BTK: variants seen among roughly 807,000 people sequenced by gnomAD.
BTK encodes the protein tyrosine-protein kinase BTK.
BTK carries 5 observed loss-of-function variants against 57.4 expected under a neutral mutation model. That is an observed-to-expected ratio of 0.09 (90% CI 0.05 to 0.18). BTK has a LOEUF of 0.18. BTK is among the 10% of genes least tolerant of loss of function. The probability of loss-of-function intolerance (pLI) is 1.00; values close to 1 mark genes in which losing one functional copy is unlikely to be tolerated. For missense variants in BTK, 194 were observed against 501.2 expected (o/e 0.39, Z 5.85); for synonymous variants, 154 against 174.3 (o/e 0.88, Z 0.92).
At chrX:101,378,028 G>A in intron 1 of BTK, 1 of 111,078 alleles carries the variant, frequency 9.0e-6, no homozygotes, top group Non-Finnish European at 1.9e-5. Flanking sequence ...ACAGCTCTGA[G>A]TTAAAAAGTA....
In BTK at chrX:101,356,774, T is replaced by C; in HGVS notation, c.1349+10A>G. ...AATAGATTGAGAGTTGAGTTTGGGC[T>C]ATAACTCACATCATGACTTTGGCTT... On this transcript the variant is annotated intron_variant, in intron 14 of 18. Transcript: ENST00000308731. The C allele has an allele frequency of 8.3e-7, 1 of 1,210,897 alleles. No individual in the cohort carries two copies. The highest frequency in any genetic ancestry group is 1.1e-6 in the Non-Finnish European group (1 of 894,515).
intron 1 of BTK, among the ~76,000 whole-genome samples, chrX:101,381,390 T>C (rs945760207): frequency 7.1e-5 from 8 of 111,975 alleles, no homozygotes; most frequent in Non-Finnish European, 1.5e-4. Context: ...CCTGTCTTCC[T>C]GATGCTTCAC....
At chrX:101,369,862 CT>C in intron 5 of BTK, 135 bp downstream of exon 5, 1 of 501,163 alleles carries the variant, frequency 2.0e-6, no homozygotes, top group African/African-American at 2.6e-5. Context: ...CCATTTTTTT[CT>C]TCTTTTCTCT....
At chrX:101,353,429 T>A (rs1555977368) in intron 17 of BTK, 78 bp from the exon 18 acceptor site, 1 of 1,035,341 alleles carries the variant, frequency 9.7e-7, no homozygotes, top group Admixed American at 2.2e-5. Context: ...TAGATCAACC[T>A]CAAAGATTAG....
At chrX:101,354,163 CTGAT>C (rs1395877561) in intron 16 of BTK, 175 bp from the exon 17 acceptor site, 6 of 459,417 alleles carry the variant, frequency 1.3e-5, no homozygotes, top group African/African-American at 9.6e-5. Context: ...GTTTTTGTAT[CTGAT>C]TGAGCTTTCC....
intron 1 of BTK, among the ~76,000 whole-genome samples, chrX:101,376,483 C>G (rs1377379464): frequency 1.8e-5 from 2 of 111,100 alleles, no homozygotes; most frequent in Non-Finnish European, 3.8e-5. Context: ...CAAAAATAGC[C>G]GGGCGTAGTG....
intron 18 of BTK, among the ~76,000 whole-genome samples, chrX:101,350,737 G>A (rs1021684192): frequency 3.6e-5 from 4 of 110,130 alleles, no homozygotes; most frequent in Admixed American, 9.7e-5. Context: ...GTGAGCCACC[G>A]CGCCCGGCCT....
chrX:101,360,558 G>A lies in BTK; in HGVS notation c.776+10C>T, dbSNP rs2147432474. 8.3e-7 allele frequency: 1 copy of A among 1,211,195 alleles called. No homozygotes were observed. The highest frequency in any genetic ancestry group is 2.3e-4 in the Middle Eastern group (1 of 4,353). On this transcript the variant is annotated intron_variant, in intron 8 of 18. Coordinates refer to ENST00000308731, the MANE Select transcript of BTK (RefSeq NM_000061.3). Reference sequence around the variant, plus strand: ...GGCACCAGGCTCAGGAAGGGCTGGTGTGGACTCACCCATTTTTATCTCGTG... The same window carrying A: ...GGCACCAGGCTCAGGAAGGGCTGGTATGGACTCACCCATTTTTATCTCGTG...
chrX:101,377,316 T>C (rs1555981173), intron 1 of BTK, among the ~76,000 whole-genome samples: 1 of 111,491 alleles, frequency 9.0e-6, no homozygotes, highest in Admixed American at 9.6e-5. Context: ...AACTACCAAC[T>C]CATTGAGAGC....
At chrX:101,387,505 C>T (rs1220419942), upstream of BTK, among the ~76,000 whole-genome samples, 1 of 108,570 alleles carries the variant, frequency 9.2e-6, no homozygotes, top group Non-Finnish European at 1.9e-5. Flanking sequence ...GCACACATCA[C>T]TGTGCTGGGC....
intron 1 of BTK, among the ~76,000 whole-genome samples, chrX:101,378,664 A>G (rs1436222734): frequency 9.0e-6 from 1 of 111,310 alleles, no homozygotes; most frequent in Non-Finnish European, 1.9e-5. Context: ...TGTCCCCTTT[A>G]TTAAATTATA....
At chrX:101,371,100 T>C (rs1298432894) in intron 4 of BTK, among the ~76,000 whole-genome samples, 1 of 112,357 alleles carries the variant, frequency 8.9e-6, no homozygotes, top group Non-Finnish European at 1.9e-5. Context: ...TACAGAGTTC[T>C]CAGGATGTAA....
chrX:101,356,687 C>T (rs2147428040), intron 14 of BTK, 97 bp downstream of exon 14: 1 of 1,052,770 alleles, frequency 9.5e-7, no homozygotes, highest in East Asian at 3.0e-5. Flanking sequence ...TCCCAAACCT[C>T]TCTTACTGTA....
intron 1 of BTK, among the ~76,000 whole-genome samples, chrX:101,378,528 G>GACACACACACACACACAC (rs72139259): frequency 2.1e-5 from 2 of 95,367 alleles, no homozygotes; most frequent in Non-Finnish European, 4.2e-5. Flanking sequence ...CAAACATACA[G>GACACACACACACACACAC]ACACACACAC....
intron 3 of BTK, 31 bp downstream of exon 3, chrX:101,374,505 T>C: frequency 1.8e-6 from 2 of 1,121,624 alleles, no homozygotes; most frequent in Non-Finnish European, 2.5e-6. Flanking sequence ...AAATCTGCTG[T>C]TCCCCATCTC....
At chrX:101,357,870 C>T (rs1555978059) in intron 12 of BTK, among the ~76,000 whole-genome samples, 1 of 112,198 alleles carries the variant, frequency 8.9e-6, no homozygotes, top group African/African-American at 3.2e-5. Context: ...AGCTGTTCCC[C>T]CATATCCATG....
In BTK at chrX:101,349,948, A is replaced by T. The variant is rs781952338; in HGVS notation, c.1917T>A (p.Asp639Glu). The T allele has an allele frequency of 2.5e-6, 3 of 1,205,903 alleles. No homozygotes were observed. The South Asian group carries it at 5.3e-5, about 21-fold the overall frequency. The change falls in exon 19 of 19, where the codon GAT becomes GAA. Residue 639 changes from aspartate to glutamate, a missense_variant. Coordinates refer to ENST00000308731, the MANE Select transcript of BTK (RefSeq NM_000061.3). The stretch of plus-strand genomic sequence containing the variant: ...GAAGAATTTTGAAAGTGGGACGCTC[A>T]TCTGCTTTCTAAAACCAAAGAAAAA... ...IMYSCWHEKA[D>E]ERPTFKILLS...
chrX:101,356,888 T>C lies in BTK; in HGVS notation c.1245A>G (p.Val415=). The change falls in exon 14 of 19, where the codon GTA becomes GTG. Residue 415 remains valine, a synonymous_variant. Coordinates refer to ENST00000308731, the MANE Select transcript of BTK (RefSeq NM_000061.3). ...LKELGTGQFG[V]VKYGKWRGQY... ...GGCCTCTCCATTTCCCATACTTCAC[T>C]ACCCCAAATTGTCCAGTCCCCAGCT... 1 of 1,211,697 alleles carries C rather than the reference T, an allele frequency of 8.3e-7. No homozygotes were observed. The highest frequency in any genetic ancestry group is 2.3e-4 in the Middle Eastern group (1 of 4,355).
Position 101,362,713 on chromosome X carries a change from A to G in BTK, c.392-24T>C, listed in dbSNP as rs1330419926. Reference sequence around the variant, plus strand: ...TACTGTAGCAGGAAAGAAGAGAGAGATCACATCTGACATGGAGGAGAAGCC... The same window carrying G: ...TACTGTAGCAGGAAAGAAGAGAGAGGTCACATCTGACATGGAGGAGAAGCC... On this transcript the variant is annotated intron_variant, in intron 5 of 18. Coordinates refer to ENST00000308731, the MANE Select transcript of BTK (RefSeq NM_000061.3). The G allele has an allele frequency of 5.0e-6, 6 of 1,209,554 alleles. No homozygotes were observed. The Admixed American group carries it at 1.1e-4, about 22-fold the overall frequency.
Sources: allele counts gnomAD v4.1 joint callset (sites outside exome capture counted in the v4.1 genomes callset), GRCh38; gene constraint gnomAD v4.1.1; transcripts MANE v1.5; gene names NCBI Gene and HGNC (gene_info 2026-07-23, HGNC 2026-07-21).